Variants in ACADSB observed in about 807,000 individuals in gnomAD.
The protein encoded by ACADSB is short/branched chain specific acyl-CoA dehydrogenase, mitochondrial.
A neutral mutation model predicts 54.1 loss-of-function variants in ACADSB; 40 were observed. That is an observed-to-expected ratio of 0.74 (90% CI 0.57 to 0.96). The LOEUF is 0.96. Among genes scored for constraint, ACADSB ranks in the 40% least tolerant of loss-of-function variants. The pLI is 0.00. For missense variants in ACADSB, 530 were observed against 510.4 expected (o/e 1.04, Z -0.37); for synonymous variants, 182 against 182.8 (o/e 1.00, Z 0.03).
chr10:123,051,094 G>A lies in ACADSB; in HGVS notation c.1036G>A (p.Ala346Thr), dbSNP rs2133493264. The change falls in exon 9 of 11, where the codon GCA (alanine) becomes ACA (threonine). Residue 346 changes from alanine to threonine, a missense_variant. Transcript: ENST00000358776. ...VAHVATQLEA[A>T]RLLTYNAARL... The stretch of plus-strand genomic sequence containing the variant: ...TCACGTGGCCACCCAGCTGGAAGCT[G>A]CAAGATTACTAACATACAATGCTGC... 1.2e-6 allele frequency: 2 copies of A among 1,607,198 alleles called. No homozygotes were observed. The highest frequency in any genetic ancestry group is 2.2e-5 in the South Asian group (2 of 90,840).
chr10:123,022,572 T>C (rs1310623069), intron 1 of ACADSB, among the ~76,000 whole-genome samples: 2 of 152,248 alleles, frequency 1.3e-5, no homozygotes, highest in Non-Finnish European at 2.9e-5. Context: ...TTTTCAAATC[T>C]GTGATTTGAG....
Position 123,047,290 on chromosome 10 carries a change from G to A in ACADSB, c.982G>A (p.Asp328Asn). The A allele has an allele frequency of 6.4e-7, 1 of 1,570,526 alleles. No homozygotes were observed. Among genetic ancestry groups the A allele is most frequent in the Non-Finnish European group, 8.8e-7 (1 of 1,140,326 alleles). The change falls in exon 8 of 11, where the codon GAT becomes AAT. Residue 328 changes from aspartate (D) to asparagine (N), a missense_variant. Coordinates refer to ENST00000358776, the MANE Select transcript of ACADSB (RefSeq NM_001609.4). The part of the protein sequence containing the change: ...ERIQFGKRLF[D>N]FQGLQHQVAH... ...GATACAATTTGGCAAAAGACTATTTGATTTTCAGGTATGTAATTATTAGGG... is the reference window on the plus strand; with the variant it reads ...GATACAATTTGGCAAAAGACTATTTAATTTTCAGGTATGTAATTATTAGGG...
At chr10:123,044,356 A>G in intron 6 of ACADSB, 37 bp from the exon 7 acceptor site, 1 of 1,504,020 alleles carries the variant, frequency 6.6e-7, no homozygotes, top group African/African-American at 1.4e-5. Flanking sequence ...ATCATGGAAA[A>G]TGAAACTGAG....
chr10:123,050,177 C>A (rs1564754256), intron 8 of ACADSB, among the ~76,000 whole-genome samples: 1 of 152,298 alleles, frequency 6.6e-6, no homozygotes, highest in East Asian at 1.9e-4. Context: ...TAAGAAAGGC[C>A]ATTCCTGGGA....
rs1850566120 is a variant in ACADSB, at chr10:123,046,838, C to T, written c.901-371C>T. Among the ~76,000 whole-genome samples, 3 of 152,158 alleles carry T rather than the reference C, an allele frequency of 2.0e-5. No individual in the cohort carries two copies. The South Asian group carries it at 6.2e-4, about 32-fold the overall frequency. On this transcript the variant is annotated intron_variant, in intron 7 of 10. Coordinates refer to ENST00000358776, the MANE Select transcript of ACADSB (RefSeq NM_001609.4). The stretch of plus-strand genomic sequence containing the variant: ...GGGCCTTCCTCTATAGCCTTCAAGG[C>T]CAGTTCTGAGCAAAACTTCTATGGC...
chr10:123,036,691 T>G (rs1002157217), intron 2 of ACADSB, among the ~76,000 whole-genome samples: 2 of 152,118 alleles, frequency 1.3e-5, no homozygotes, highest in African/African-American at 2.4e-5. Context: ...CATGGAGGTA[T>G]TTGGGGAACA....
intron 3 of ACADSB, among the ~76,000 whole-genome samples, chr10:123,038,133 A>G (rs1002712938): frequency 1.3e-5 from 2 of 152,216 alleles, no homozygotes; most frequent in African/African-American, 4.8e-5. Context: ...TCCAGGGGAC[A>G]TTGGGCAACG....
intron 1 of ACADSB, among the ~76,000 whole-genome samples, chr10:123,009,568 G>A (rs1162839944): frequency 1.3e-5 from 2 of 152,214 alleles, no homozygotes; most frequent in Admixed American, 1.3e-4. Flanking sequence ...CTCAAAGGTA[G>A]TAAGGGACTT....
At chr10:123,014,967 C>T (rs555057910) in intron 1 of ACADSB, among the ~76,000 whole-genome samples, 18 of 152,288 alleles carry the variant, frequency 1.2e-4, no homozygotes, top group South Asian at 4.1e-4. Context: ...TAAGTTTATC[C>T]TTGATCTCAA....
At chr10:123,029,890 C>T (rs1724702985) in intron 1 of ACADSB, among the ~76,000 whole-genome samples, 1 of 152,162 alleles carries the variant, frequency 6.6e-6, no homozygotes, top group Admixed American at 6.5e-5. Flanking sequence ...AAATTTATTT[C>T]TCATAGTTCT....
At chr10:123,009,604 G>A (rs577604827) in intron 1 of ACADSB, among the ~76,000 whole-genome samples, 154 of 152,336 alleles carry the variant, frequency 1.0e-3, no homozygotes, top group African/African-American at 3.5e-3. Context: ...TTCCCGGCCA[G>A]GGACAGAGTT....
intron 2 of ACADSB, among the ~76,000 whole-genome samples, chr10:123,036,400 T>C (rs1850399232): frequency 6.6e-6 from 1 of 152,262 alleles, no homozygotes; most frequent in African/African-American, 2.4e-5. Flanking sequence ...AAATTTCTTT[T>C]CCTTTGCTCC....
At chr10:123,042,602 C>G (rs563632545) in intron 5 of ACADSB, among the ~76,000 whole-genome samples, 1 of 151,594 alleles carries the variant, frequency 6.6e-6, no homozygotes. Flanking sequence ...TGCCTGCCAC[C>G]ACACCCAGCT....
chr10:123,038,883 G>C (rs995040179), intron 3 of ACADSB, among the ~76,000 whole-genome samples: 1 of 152,194 alleles, frequency 6.6e-6, no homozygotes, highest in African/African-American at 2.4e-5. Context: ...TTCTCAGCCA[G>C]GTTTTATTTC....
chr10:123,009,204 CTT>C, intron 1 of ACADSB, 133 bp downstream of exon 1: 2 of 1,041,174 alleles, frequency 1.9e-6, no homozygotes, highest in East Asian at 2.6e-5. Context: ...TCCCCAGACT[CTT>C]TACCCGCGGG....
chr10:123,034,326 C>T (rs779813762), intron 1 of ACADSB, 30 bp from the exon 2 acceptor site: 3 of 1,607,250 alleles, frequency 1.9e-6, no homozygotes, highest in South Asian at 2.2e-5. Context: ...ATTCAAGTAC[C>T]TTTCTTTCAT....
chr10:123,021,178 A>G (rs539050236), intron 1 of ACADSB, among the ~76,000 whole-genome samples: 1 of 152,328 alleles, frequency 6.6e-6, no homozygotes, highest in African/African-American at 2.4e-5. Flanking sequence ...TCACCCCTGC[A>G]TTAGTCCACC....
At position 123,058,135 on chromosome 10, in the gene ACADSB, A is replaced by C. The variant is rs1473773416; in HGVS notation, c.*4370A>C. The C allele has an allele frequency of 6.6e-6, 1 of 152,198 alleles. No homozygotes were observed. The highest frequency in any genetic ancestry group is 6.5e-5 in the Admixed American group (1 of 15,276). 9.4% of individuals were successfully genotyped at this position (152,198 alleles called of 1,614,324 possible). On this transcript the variant is annotated 3_prime_UTR_variant, in exon 11 of 11. Transcript: ENST00000358776. Reference sequence around the variant, plus strand: ...TTGTTATGATGTATTTTATAAATGTACTAGTTATATCCTTGTTTATGTATT... The same window carrying C: ...TTGTTATGATGTATTTTATAAATGTCCTAGTTATATCCTTGTTTATGTATT...
At chr10:123,042,602 C>A (rs563632545) in intron 5 of ACADSB, among the ~76,000 whole-genome samples, 1 of 151,708 alleles carries the variant, frequency 6.6e-6, no homozygotes, top group Admixed American at 6.6e-5. Context: ...TGCCTGCCAC[C>A]ACACCCAGCT....
Sources: gnomAD v4.1 joint callset for allele counts (sites outside exome capture counted in the v4.1 genomes callset) on GRCh38, gnomAD v4.1.1 for gene constraint, MANE v1.5 for transcripts, NCBI Gene and HGNC (gene_info 2026-07-23, HGNC 2026-07-21) for gene names.